Variants in EFHB observed in about 807,000 individuals in gnomAD.
EFHB encodes EF-hand domain-containing family member B.
In EFHB, 91 loss-of-function variants were observed where a neutral mutation model predicts 87.2. That is an observed-to-expected ratio of 1.04 (90% CI 0.88 to 1.24). EFHB has a LOEUF of 1.24. Ranked by LOEUF, EFHB falls within the 50% of genes most tolerant of loss-of-function variation. The pLI, the probability that EFHB is intolerant of heterozygous loss-of-function variation, is 0.00. For missense variants in EFHB, 1,084 were observed against 998.8 expected (o/e 1.09, Z -1.15); for synonymous variants, 325 against 333.6 (o/e 0.97, Z 0.28).
intron 1 of EFHB, among the ~76,000 whole-genome samples, chr3:19,924,201 T>C (rs1396274445): frequency 1.3e-5 from 2 of 152,032 alleles, no homozygotes; most frequent in Non-Finnish European, 2.9e-5. Context: ...GAAGTTTTCT[T>C]TTCTCTCTCT....
At chr3:19,894,989 A>AAAAAATATATATAT (rs369564576) in intron 9 of EFHB, 2 of 144,524 alleles carry the variant, frequency 1.4e-5, no homozygotes, top group African/African-American at 5.3e-5. Context: ...TGTCTCAAAA[A>AAAAAATATATATAT]ATATATATAT....
At chr3:19,935,737 C>T (rs1695997360), upstream of EFHB, among the ~76,000 whole-genome samples, 1 of 151,792 alleles carries the variant, frequency 6.6e-6, no homozygotes, top group Non-Finnish European at 1.5e-5. Context: ...AATGGCCGGG[C>T]GCAGTGGCTC....
At chr3:19,889,483 A>G (rs183394228) in intron 9 of EFHB, among the ~76,000 whole-genome samples, 7 of 152,344 alleles carry the variant, frequency 4.6e-5, no homozygotes, top group African/African-American at 1.7e-4. Context: ...ATAACTCCCA[A>G]GAGGAATCAT....
chr3:19,919,668 T>C (rs895627458), intron 3 of EFHB, among the ~76,000 whole-genome samples, 165 bp downstream of exon 3: 1 of 152,206 alleles, frequency 6.6e-6, no homozygotes, highest in Non-Finnish European at 1.5e-5. Context: ...GCTTGGCTTT[T>C]TTTTACTGCT....
intron 6 of EFHB, among the ~76,000 whole-genome samples, chr3:19,902,706 C>T (rs780184514): frequency 2.6e-5 from 4 of 152,070 alleles, no homozygotes; most frequent in Non-Finnish European, 5.9e-5. Flanking sequence ...GAGAGTAAAC[C>T]AAATTTACAT....
At chr3:19,880,385 G>C (rs1052701315) in intron 12 of EFHB, among the ~76,000 whole-genome samples, 1 of 152,030 alleles carries the variant, frequency 6.6e-6, no homozygotes, top group African/African-American at 2.4e-5. Context: ...GAGTAGCTGG[G>C]ATTACAGGTG....
chr3:19,926,843 A>G (rs941976270), intron 1 of EFHB, among the ~76,000 whole-genome samples: 1 of 151,084 alleles, frequency 6.6e-6, no homozygotes, highest in Non-Finnish European at 1.5e-5. Context: ...TATTTTTAGT[A>G]GAGACGGGGT....
rs369088410 is a variant in EFHB at position 19,905,071 on chromosome 3, AT to A, written c.1418+548del. 4.1e-3 allele frequency among the ~76,000 whole-genome samples: 632 copies of A among 152,328 alleles called. 2 individuals are homozygous for A. Among genetic ancestry groups the A allele is most frequent in the Non-Finnish European group, 6.8e-3 (466 of 68,030 alleles). On this transcript the variant is annotated intron_variant, in intron 6 of 12. Transcript: ENST00000295824. ...AGTTGAGTGATGCTCAGGTGCCCAA[AT>A]AACTATTCAACAAAGCTGAATAACA...
chr3:19,925,832 T>C (rs1695605591), intron 1 of EFHB, among the ~76,000 whole-genome samples: 1 of 152,188 alleles, frequency 6.6e-6, no homozygotes. Flanking sequence ...CAATGTGGGT[T>C]AGCTTAATGG....
intron 3 of EFHB, among the ~76,000 whole-genome samples, chr3:19,919,158 A>G (rs969849064): frequency 6.6e-6 from 1 of 152,030 alleles, no homozygotes; most frequent in African/African-American, 2.4e-5. Context: ...TAAGTATTCT[A>G]TAGTGCCTCT....
At chr3:19,896,453 G>A (rs1469622523) in intron 9 of EFHB, 5 of 590,986 alleles carry the variant, frequency 8.5e-6, no homozygotes, top group African/African-American at 1.8e-5. Flanking sequence ...AGGTTTTGAA[G>A]GCCATACAGT....
At chr3:19,927,656 G>T (rs1029205429) in intron 1 of EFHB, among the ~76,000 whole-genome samples, 3 of 152,162 alleles carry the variant, frequency 2.0e-5, no homozygotes, top group Non-Finnish European at 4.4e-5. Context: ...GCACCCTGAT[G>T]CAAAGTGATT....
intron 3 of EFHB, among the ~76,000 whole-genome samples, chr3:19,918,636 A>G (rs1268047673): frequency 6.6e-6 from 1 of 152,042 alleles, no homozygotes; most frequent in Non-Finnish European, 1.5e-5. Flanking sequence ...CAGTGATACT[A>G]AAAGGTTTAC....
chr3:19,921,637 C>T (rs1477507129), intron 1 of EFHB, among the ~76,000 whole-genome samples: 3 of 152,020 alleles, frequency 2.0e-5, no homozygotes, highest in African/African-American at 7.2e-5. Flanking sequence ...AGTCTTAATG[C>T]TGTATCTTCA....
intron 5 of EFHB, among the ~76,000 whole-genome samples, chr3:19,906,582 T>C (rs988129696): frequency 1.3e-5 from 2 of 152,130 alleles, no homozygotes; most frequent in African/African-American, 4.8e-5. Flanking sequence ...AAGATATTCA[T>C]TCCATGCTCA....
chr3:19,931,787 C>G (rs1020434261), intron 1 of EFHB, among the ~76,000 whole-genome samples: 2 of 152,126 alleles, frequency 1.3e-5, no homozygotes, highest in African/African-American at 4.8e-5. Context: ...GAATGACCAC[C>G]ATAAGCCAGG....
intron 5 of EFHB, among the ~76,000 whole-genome samples, chr3:19,913,726 A>C (rs577733020): frequency 6.6e-6 from 1 of 152,354 alleles, no homozygotes; most frequent in South Asian, 2.1e-4. Context: ...CAAAATACCC[A>C]GAATAGCCAA....
upstream of EFHB, chr3:19,936,008 CAAAAAA>C (rs751728589): frequency 2.4e-4 from 131 of 546,742 alleles, no homozygotes; most frequent in South Asian, 3.7e-3. Flanking sequence ...GACTCCATCT[CAAAAAA>C]AAAAAAAAAA....
At chr3:19,936,213 G>A, upstream of EFHB, 1 of 918,890 alleles carries the variant, frequency 1.1e-6, no homozygotes, top group South Asian at 1.4e-5. Context: ...AGCCCAGCGT[G>A]GTGGCTCACA....
Sources: allele counts gnomAD v4.1 joint callset (sites outside exome capture counted in the v4.1 genomes callset), GRCh38; gene constraint gnomAD v4.1.1; transcripts MANE v1.5; gene names NCBI Gene and HGNC (gene_info 2026-07-23, HGNC 2026-07-21).